VPS37A: variants seen among roughly 807,000 people sequenced by gnomAD.
VPS37A encodes the protein vacuolar protein sorting-associated protein 37A.
A neutral mutation model predicts 49.8 loss-of-function variants in VPS37A; 30 were observed. That is an observed-to-expected ratio of 0.60 (90% CI 0.45 to 0.82). The LOEUF (loss-of-function observed/expected upper bound fraction) is 0.82. VPS37A is among the 40% of genes least tolerant of loss of function. VPS37A has a pLI of 0.00. For synonymous variants in VPS37A, 195 were observed against 160.6 expected (o/e 1.21, Z -1.62); for missense variants, 593 against 464.4 (o/e 1.28, Z -2.55).
At chr8:17,271,242 C>A (rs1366286168) in intron 4 of VPS37A, among the ~76,000 whole-genome samples, 1 of 152,192 alleles carries the variant, frequency 6.6e-6, no homozygotes, top group African/African-American at 2.4e-5. Flanking sequence ...AATTAAGGGT[C>A]TGTTAGCCTC....
At chr8:17,251,236 TCTG>T in intron 1 of VPS37A, among the ~76,000 whole-genome samples, 1 of 152,234 alleles carries the variant, frequency 6.6e-6, no homozygotes, top group Admixed American at 6.5e-5. Flanking sequence ...GGAGGGGAAG[TCTG>T]CTGGGGAGCT....
downstream of VPS37A, among the ~76,000 whole-genome samples, chr8:17,306,891 G>A (rs536700538): frequency 2.0e-5 from 3 of 150,776 alleles, no homozygotes; most frequent in East Asian, 5.9e-4. Context: ...ATTAATTCAA[G>A]ATGGATTAAA....
chr8:17,272,511 G>C (rs7018019), intron 4 of VPS37A, among the ~76,000 whole-genome samples: 82,707 of 152,016 alleles, frequency 0.54, 25,492 homozygotes, highest in African/African-American at 0.82. Context: ...AGATAAGTTC[G>C]GGGATATAGT....
chr8:17,247,227 C>G lies in VPS37A; in HGVS notation c.-18C>G, dbSNP rs779562752. On this transcript the variant is annotated 5_prime_UTR_variant, in exon 1 of 12. Transcript: ENST00000324849. The stretch of plus-strand genomic sequence containing the variant: ...GGCCAGAGCCTTCCAGGGCCTCCGG[C>G]CCGTGGACCCGAGGAGGATGAGCTG... 154 of 1,564,416 alleles carry G rather than the reference C, an allele frequency of 9.8e-5. 1 individual carries two copies. The highest frequency in any genetic ancestry group is 1.3e-4 in the Non-Finnish European group (150 of 1,154,508).
chr8:17,318,040 A>G, the VPS37A span, among the ~76,000 whole-genome samples: 1 of 152,122 alleles, frequency 6.6e-6, no homozygotes, highest in Admixed American at 6.6e-5. Flanking sequence ...GCTGGAACTG[A>G]GACTCCCTAC....
chr8:17,271,856 C>T, intron 4 of VPS37A: 1 of 402,316 alleles, frequency 2.5e-6, no homozygotes, highest in East Asian at 7.0e-5. Flanking sequence ...TTGAACTTTG[C>T]TTTTAGAGGT....
the VPS37A span, among the ~76,000 whole-genome samples, chr8:17,308,617 G>A: frequency 6.6e-6 from 1 of 152,150 alleles, no homozygotes; most frequent in Non-Finnish European, 1.5e-5. Flanking sequence ...ACTAAGTACA[G>A]CTATACCATT....
chr8:17,249,042 A>G (rs1346328096), intron 1 of VPS37A, among the ~76,000 whole-genome samples: 1 of 152,220 alleles, frequency 6.6e-6, no homozygotes, highest in African/African-American at 2.4e-5. Context: ...CAGTCCTGCT[A>G]TTGCAGAAAC....
At chr8:17,323,390 T>C in the VPS37A span, among the ~76,000 whole-genome samples, 11 of 152,078 alleles carry the variant, frequency 7.2e-5, no homozygotes, top group Non-Finnish European at 1.5e-4. Flanking sequence ...AAAGTCAATA[T>C]ACAAACGGAG....
At position 17,296,219 on chromosome 8, in the gene VPS37A, G is replaced by C. The variant is rs529041885; in HGVS notation, c.*1233G>C. On this transcript the variant is annotated 3_prime_UTR_variant, in exon 12 of 12. Coordinates refer to ENST00000324849, the MANE Select transcript of VPS37A (RefSeq NM_152415.3). ...TAGGAAGAACAAAATTATTTTGTTAGAATTAAAACATGCTTAATATTTAGT... is the reference window on the plus strand; with the variant it reads ...TAGGAAGAACAAAATTATTTTGTTACAATTAAAACATGCTTAATATTTAGT... The C allele has an allele frequency of 6.6e-6, 1 of 152,068 alleles. No individual in the cohort carries two copies. The highest frequency in any genetic ancestry group is 2.1e-4 in the South Asian group (1 of 4,832). 9.4% of individuals were successfully genotyped at this position (152,068 alleles called of 1,614,324 possible). A position where few individuals can be genotyped will look rare whatever the true frequency, so the allele number is the denominator to read the frequency against.
intron 1 of VPS37A, among the ~76,000 whole-genome samples, chr8:17,260,210 T>A (rs1385270635): frequency 6.6e-6 from 1 of 152,110 alleles, no homozygotes; most frequent in East Asian, 1.9e-4. Flanking sequence ...TTTTTTATGT[T>A]TAGTGAATCT....
downstream of VPS37A, among the ~76,000 whole-genome samples, chr8:17,306,751 A>T (rs1423484108): frequency 3.3e-5 from 5 of 152,212 alleles, no homozygotes; most frequent in Admixed American, 3.3e-4. Context: ...AAGAGTGGGA[A>T]CATTGGAAAT....
Position 17,297,218 on chromosome 8 carries a change from T to C in VPS37A, c.*2232T>C, listed in dbSNP as rs1270718322. On this transcript the variant is annotated 3_prime_UTR_variant, in exon 12 of 12. Transcript: ENST00000324849. ...TTACTAGGCTAATCAGTGTACGAAT[T>C]TGTCATAGGTAGAGATTTAAAGGTT... The C allele has an allele frequency of 6.6e-6, 1 of 152,118 alleles. No individual in the cohort carries two copies. The highest frequency in any genetic ancestry group is 1.5e-5 in the Non-Finnish European group (1 of 67,970). 9.4% of individuals were successfully genotyped at this position (152,118 alleles called of 1,614,324 possible). A position where few individuals can be genotyped will look rare whatever the true frequency, so the allele number is the denominator to read the frequency against.
intron 9 of VPS37A, among the ~76,000 whole-genome samples, chr8:17,283,578 GT>G (rs567272381): frequency 1.3e-5 from 2 of 152,302 alleles, no homozygotes; most frequent in South Asian, 4.1e-4. Flanking sequence ...CGATAATCCA[GT>G]TTTTTCCAGC....
the VPS37A span, among the ~76,000 whole-genome samples, chr8:17,320,755 C>T: frequency 6.6e-6 from 1 of 152,198 alleles, no homozygotes; most frequent in Non-Finnish European, 1.5e-5. Context: ...CTCCAAGCAT[C>T]AGGCTCACTT....
intron 1 of VPS37A, 137 bp downstream of exon 1, chr8:17,247,506 G>A (rs977544911): frequency 1.1e-5 from 13 of 1,211,784 alleles, no homozygotes; most frequent in Non-Finnish European, 1.3e-5. Flanking sequence ...TGGGTCACAC[G>A]CTTGCTCTGC....
chr8:17,309,743 T>A, the VPS37A span, among the ~76,000 whole-genome samples: 5 of 152,178 alleles, frequency 3.3e-5, no homozygotes, highest in Admixed American at 3.3e-4. Flanking sequence ...TCTCTCCACT[T>A]CAAACCCTAT....
chr8:17,321,582 G>A, the VPS37A span, among the ~76,000 whole-genome samples: 6 of 152,318 alleles, frequency 3.9e-5, no homozygotes, highest in African/African-American at 1.2e-4. Context: ...AGACCAAAGC[G>A]ATTAGCGCCT....
At chr8:17,267,381 G>A (rs564525798) in intron 2 of VPS37A, among the ~76,000 whole-genome samples, 13 of 152,170 alleles carry the variant, frequency 8.5e-5, no homozygotes, top group Admixed American at 4.6e-4. Flanking sequence ...TGGAAACAGG[G>A]TTTCATATCC....
Sources: allele counts gnomAD v4.1 joint callset (sites outside exome capture counted in the v4.1 genomes callset), GRCh38; gene constraint gnomAD v4.1.1; transcripts MANE v1.5; gene names NCBI Gene and HGNC (gene_info 2026-07-23, HGNC 2026-07-21).